ARID1B: variants seen among roughly 807,000 people sequenced by gnomAD.
The protein encoded by ARID1B is AT-rich interactive domain-containing protein 1B.
Under a neutral mutation model 212.3 loss-of-function variants are expected in ARID1B, and 30 were observed. The ratio of observed to expected loss-of-function variants is 0.14; its 90% CI spans 0.11 to 0.19. The LOEUF (loss-of-function observed/expected upper bound fraction) is 0.19. Among genes scored for constraint, ARID1B ranks in the 10% least tolerant of loss-of-function variants. The pLI, the probability that ARID1B is intolerant of heterozygous loss-of-function variation, is 1.00. For synonymous variants in ARID1B, 1,402 were observed against 1,301.7 expected (o/e 1.08, Z -1.66); for missense variants, 2,891 against 3,204.0 (o/e 0.90, Z 2.36).
chr6:157,159,367 C>T (rs1472770660), intron 8 of ARID1B, among the ~76,000 whole-genome samples: 1 of 152,204 alleles, frequency 6.6e-6, no homozygotes, highest in Non-Finnish European at 1.5e-5. Context: ...AAGGAGGCCT[C>T]TCGCCTCAGA....
chr6:156,836,927 G>A (rs1783554035), intron 2 of ARID1B, among the ~76,000 whole-genome samples: 2 of 152,184 alleles, frequency 1.3e-5, no homozygotes, highest in Admixed American at 1.3e-4. Flanking sequence ...GGCCTCCAAA[G>A]TGCTAGGATT....
At chr6:156,930,089 C>A (rs284431) in intron 3 of ARID1B, among the ~76,000 whole-genome samples, 20,627 of 152,134 alleles carry the variant, frequency 0.14, 1,751 homozygotes, top group African/African-American at 0.23. Flanking sequence ...TATATATTAA[C>A]ATTTCAAATG....
chr6:157,079,421 G>A (rs1192945224), intron 4 of ARID1B, among the ~76,000 whole-genome samples: 1 of 152,198 alleles, frequency 6.6e-6, no homozygotes, highest in Non-Finnish European at 1.5e-5. Flanking sequence ...TTGTGTGTAT[G>A]TGTCTGTCAA....
chr6:156,822,825 C>A (rs1583105094), intron 1 of ARID1B, among the ~76,000 whole-genome samples: 1 of 152,124 alleles, frequency 6.6e-6, no homozygotes, highest in Non-Finnish European at 1.5e-5. Context: ...GCCCACTGTT[C>A]TGTGTGTGCC....
At position 156,901,539 on chromosome 6, in the gene ARID1B, A is replaced by G. The variant is rs369269925; in HGVS notation, c.2136+14A>G. On this transcript the variant is annotated intron_variant, in intron 3 of 19. Coordinates refer to ENST00000636930, the MANE Select transcript of ARID1B (RefSeq NM_001374828.1). The stretch of plus-strand genomic sequence containing the variant: ...CAGCCGCAGCAGGTGAGCACAGTGC[A>G]CTGCCCCGCAGGGCCCTGTTTTCTC... 1.1e-5 allele frequency: 17 copies of G among 1,611,138 alleles called. No individual in the cohort carries two copies. The highest frequency in any genetic ancestry group is 1.4e-5 in the Non-Finnish European group (17 of 1,179,076).
At chr6:157,161,455 T>TATATATATATATATATA (rs1790940653) in intron 8 of ARID1B, among the ~76,000 whole-genome samples, 5 of 137,196 alleles carry the variant, frequency 3.6e-5, no homozygotes, top group African/African-American at 1.5e-4. Flanking sequence ...ATATATATAT[T>TATATATATATATATATA]TTGGCGGGGG....
At chr6:156,852,831 A>G (rs1014718604) in intron 2 of ARID1B, among the ~76,000 whole-genome samples, 1 of 152,174 alleles carries the variant, frequency 6.6e-6, no homozygotes, top group Non-Finnish European at 1.5e-5. Flanking sequence ...CTCTCGTTTC[A>G]TGTTTAGTTT....
intron 1 of ARID1B, 139 bp downstream of exon 1, chr6:156,779,610 G>C: frequency 3.2e-6 from 3 of 925,178 alleles, no homozygotes; most frequent in Non-Finnish European, 4.0e-6. Context: ...CCATCTTGAC[G>C]GGCGGCCGCC....
rs1394730320 is a variant in ARID1B at position 156,778,450 on chromosome 6, C to T, written c.770C>T (p.Pro257Leu). 6.4e-5 allele frequency: 90 copies of T among 1,406,126 alleles called. No homozygotes were observed. Among genetic ancestry groups the T allele is most frequent in the Non-Finnish European group, 7.6e-5 (83 of 1,088,884 alleles). 87.1% of individuals were successfully genotyped at this position (1,406,126 alleles called of 1,614,324 possible). A position where few individuals can be genotyped will look rare whatever the true frequency, so the allele number is the denominator to read the frequency against. Reference sequence around the variant, plus strand: ...GCTGCGGGCGGCCAGGCCGACCCCCCGGGCCCGCCGCTGCTGAGCAAGCCG... The same window carrying T: ...GCTGCGGGCGGCCAGGCCGACCCCCTGGGCCCGCCGCTGCTGAGCAAGCCG... ...DSAAGGQADP[P>L]GPPLLSKPGD... The change falls in exon 1 of 20, where the codon CCG (proline) becomes CTG (leucine). Residue 257 changes from proline to leucine, a missense_variant. Pro to Leu is a moderately conservative substitution (Grantham distance 98). Coordinates refer to ENST00000636930, the MANE Select transcript of ARID1B (RefSeq NM_001374828.1).
chr6:156,942,679 A>G (rs897006413), intron 4 of ARID1B: 1 of 150,164 alleles, frequency 6.7e-6, no homozygotes, highest in Non-Finnish European at 1.5e-5. Context: ...CCTAGCCTGC[A>G]CTTCTGGTTT....
At chr6:156,814,793 G>A (rs1781847953) in intron 1 of ARID1B, among the ~76,000 whole-genome samples, 1 of 152,090 alleles carries the variant, frequency 6.6e-6, no homozygotes, top group South Asian at 2.1e-4. Flanking sequence ...AGGCAATGCC[G>A]TCTCACTTTT....
At chr6:156,885,068 G>GAAA (rs1237580459) in intron 2 of ARID1B, among the ~76,000 whole-genome samples, 2 of 152,080 alleles carry the variant, frequency 1.3e-5, no homozygotes, top group Non-Finnish European at 2.9e-5. Context: ...ATCATTGTAG[G>GAAA]ATACTGTTTG....
At chr6:157,149,765 GTAGAAGATTCCGA>G (rs1376927308) in intron 8 of ARID1B, 1 of 152,186 alleles carries the variant, frequency 6.6e-6, no homozygotes, top group Non-Finnish European at 1.5e-5. Flanking sequence ...CAGAAGCAAA[GTAGAAGATTCCGA>G]TTTTTGTCAA....
chr6:157,074,214 T>A (rs1487710454), intron 4 of ARID1B, among the ~76,000 whole-genome samples: 2 of 152,052 alleles, frequency 1.3e-5, no homozygotes, highest in Admixed American at 1.3e-4. Context: ...TTCAGATTGT[T>A]TTTTGTTTGT....
rs371828409 is a variant in ARID1B at position 157,181,052 on chromosome 6, C to A, written c.3588C>A (p.Val1196=). The A allele has an allele frequency of 6.2e-7, 1 of 1,614,130 alleles. No individual in the cohort carries two copies. The highest frequency in any genetic ancestry group is 1.7e-5 in the Admixed American group (1 of 60,024). ...ATGAGCCAGAGAGAAAGCTCTGGGT[C>A]GACCGATACCTCACCTTCATGGAAG... The part of the protein sequence containing the change: ...LGNEPERKLW[V]DRYLTFMEER... Residue 1196 remains valine (V), a synonymous_variant, in exon 12 of 20, where the codon GTC becomes GTA. Coordinates refer to ENST00000636930, the MANE Select transcript of ARID1B (RefSeq NM_001374828.1).
At chr6:156,809,151 C>T (rs1041283534) in intron 1 of ARID1B, among the ~76,000 whole-genome samples, 1 of 152,146 alleles carries the variant, frequency 6.6e-6, no homozygotes, top group Non-Finnish European at 1.5e-5. Context: ...CAAGCAGGCA[C>T]ATAAAGGCTC....
At chr6:157,188,321 C>G (rs557752586) in intron 13 of ARID1B, among the ~76,000 whole-genome samples, 124 of 152,314 alleles carry the variant, frequency 8.1e-4, no homozygotes, top group African/African-American at 2.5e-3. Context: ...ACGCAGTGTT[C>G]AGCTCTGTTG....
chr6:157,075,470 G>A (rs1036154312), intron 4 of ARID1B, among the ~76,000 whole-genome samples: 2 of 152,110 alleles, frequency 1.3e-5, no homozygotes, highest in Non-Finnish European at 2.9e-5. Flanking sequence ...GTTTATTCTT[G>A]TCTGGTTTTT....
At chr6:156,812,972 G>GTA (rs1562404008) in intron 1 of ARID1B, among the ~76,000 whole-genome samples, 1,082 of 90,598 alleles carry the variant, frequency 0.012, 2 homozygotes, top group East Asian at 0.024. Flanking sequence ...GTGTGTGTGT[G>GTA]TGTGTATGTA....
Sources: allele counts gnomAD v4.1 joint callset (sites outside exome capture counted in the v4.1 genomes callset), GRCh38; gene constraint gnomAD v4.1.1; transcripts MANE v1.5; gene names NCBI Gene and HGNC (gene_info 2026-07-23, HGNC 2026-07-21).